The following CDH18 variants were observed in gnomAD, a reference collection of about 807,000 sequenced individuals.
CDH18 encodes cadherin-18.
A neutral mutation model predicts 67.9 loss-of-function variants in CDH18; 31 were observed. The ratio of observed to expected loss-of-function variants is 0.46; its 90% CI spans 0.34 to 0.62. The LOEUF is 0.62. CDH18 is among the 20% of genes least tolerant of loss of function. The pLI, the probability that CDH18 is intolerant of heterozygous loss-of-function variation, is 0.01. For synonymous variants in CDH18, 362 were observed against 347.2 expected, an observed-to-expected ratio of 1.04 and a Z score of -0.48; for missense variants, 890 against 975.5, an observed-to-expected ratio of 0.91 and a Z score of 1.17.
chr5:19,644,846 C>G (rs80143330), intron 5 of CDH18, among the ~76,000 whole-genome samples: 1 of 152,096 alleles, frequency 6.6e-6, no homozygotes, highest in Non-Finnish European at 1.5e-5. Flanking sequence ...GGATAATGTG[C>G]AACCCCAAGG....
chr5:19,519,636 C>T (rs1175705675), intron 10 of CDH18, among the ~76,000 whole-genome samples: 3 of 152,188 alleles, frequency 2.0e-5, no homozygotes, highest in Non-Finnish European at 2.9e-5. Flanking sequence ...TGTGTTGATG[C>T]ATGACTCACT....
chr5:20,321,836 A>G (rs1236627818), intron 1 of CDH18, among the ~76,000 whole-genome samples: 1 of 152,186 alleles, frequency 6.6e-6, no homozygotes, highest in Non-Finnish European at 1.5e-5. Flanking sequence ...AGCCCCAAAG[A>G]TAATTTACTT....
At chr5:19,953,379 G>A (rs62352249) in intron 2 of CDH18, among the ~76,000 whole-genome samples, 2,235 of 152,060 alleles carry the variant, frequency 0.015, 24 homozygotes, top group Middle Eastern at 0.031. Context: ...ACTGCTTATT[G>A]TCTCTCTATT....
chr5:20,152,511 T>C (rs1751204942), intron 2 of CDH18, among the ~76,000 whole-genome samples: 1 of 151,844 alleles, frequency 6.6e-6, no homozygotes, highest in African/African-American at 2.4e-5. Flanking sequence ...GGTATTACAT[T>C]TTCAGCTGGT....
chr5:20,460,926 A>G (rs1751221569), intron 1 of CDH18, among the ~76,000 whole-genome samples: 1 of 152,226 alleles, frequency 6.6e-6, no homozygotes, highest in Non-Finnish European at 1.5e-5. Flanking sequence ...TCGTACTGCA[A>G]CTAACAGTGA....
chr5:19,849,627 CATATATATACACGCATATATATATAA>C, intron 2 of CDH18, among the ~76,000 whole-genome samples: 1 of 9,342 alleles, frequency 1.1e-4, no homozygotes, highest in South Asian at 5.9e-3. Flanking sequence ...TATATATAAA[CATATATATACACGCATATATATATAA>C]ACATATATAT....
chr5:20,108,877 T>A (rs1747217283), intron 2 of CDH18, among the ~76,000 whole-genome samples: 1 of 152,200 alleles, frequency 6.6e-6, no homozygotes, highest in Admixed American at 6.5e-5. Flanking sequence ...AGGGAACGTA[T>A]TCAACCTCTG....
At chr5:20,572,319 T>C (rs568120224) in intron 1 of CDH18, among the ~76,000 whole-genome samples, 1 of 152,140 alleles carries the variant, frequency 6.6e-6, no homozygotes, top group South Asian at 2.1e-4. Context: ...GTTTCGGTGC[T>C]GTCCCTAGAG....
chr5:19,747,023 T>C lies in CDH18; in HGVS notation c.442A>G (p.Lys148Glu). The C allele has an allele frequency of 6.2e-7, 1 of 1,614,132 alleles. No individual in the cohort carries two copies. The highest frequency in any genetic ancestry group is 8.5e-7 in the Non-Finnish European group (1 of 1,179,994). Residue 148 changes from lysine to glutamate, a missense_variant, in exon 4 of 13, where the codon AAA (lysine) becomes GAA (glutamate). Coordinates refer to ENST00000382275, the MANE Select transcript of CDH18 (RefSeq NM_004934.5). ...PLEPESEFII[K>E]VQDINDNAPK... ...GCGTTGTCATTGATGTCTTGCACTT[T>C]GATGATGAACTCGGATTCAGGCTCA... is the stretch of plus-strand genomic sequence containing the variant.
At chr5:20,475,231 G>A (rs1304264183) in intron 1 of CDH18, among the ~76,000 whole-genome samples, 1 of 151,878 alleles carries the variant, frequency 6.6e-6, no homozygotes, top group Admixed American at 6.6e-5. Flanking sequence ...TATTGTGTAA[G>A]AATTTATGCA....
rs564606502 is a variant in CDH18, at chr5:19,668,464, T to C, written c.643+52883A>G. On this transcript the variant is annotated intron_variant, in intron 5 of 12. Coordinates refer to ENST00000382275, the MANE Select transcript of CDH18 (RefSeq NM_004934.5). ...TAGGGCACTATGATCAAAAGACCTG[T>C]TATAGGAATTTAAAATGTAAATGCT... Among the ~76,000 whole-genome samples, 3 of 152,130 alleles carry C rather than the reference T, an allele frequency of 2.0e-5. No individual in the cohort carries two copies. The East Asian group carries it at 5.8e-4, about 29-fold the overall frequency.
At chr5:20,021,949 A>G (rs1738461573) in intron 2 of CDH18, among the ~76,000 whole-genome samples, 1 of 152,230 alleles carries the variant, frequency 6.6e-6, no homozygotes, top group South Asian at 2.1e-4. Context: ...AAAACAACAC[A>G]GTTGAGTACA....
intron 2 of CDH18, among the ~76,000 whole-genome samples, chr5:20,209,672 T>C (rs1198425435): frequency 6.6e-6 from 1 of 151,976 alleles, no homozygotes; most frequent in Non-Finnish European, 1.5e-5. Context: ...TAAGTCCTAA[T>C]GATGGATAGA....
chr5:19,631,556 A>G (rs780259473), intron 5 of CDH18, among the ~76,000 whole-genome samples: 7 of 151,994 alleles, frequency 4.6e-5, no homozygotes, highest in Non-Finnish European at 1.0e-4. Flanking sequence ...TTGGTCAAGA[A>G]GCTTTACTAT....
At chr5:20,345,959 A>G (rs752987177) in intron 1 of CDH18, among the ~76,000 whole-genome samples, 1 of 152,226 alleles carries the variant, frequency 6.6e-6, no homozygotes, top group Admixed American at 6.5e-5. Flanking sequence ...TGTCACCACA[A>G]TTACCATCAG....
At chr5:20,140,139 T>C (rs1005105203) in intron 2 of CDH18, among the ~76,000 whole-genome samples, 4 of 152,130 alleles carry the variant, frequency 2.6e-5, no homozygotes, top group Admixed American at 6.6e-5. Flanking sequence ...TATGCAGCCA[T>C]AAAAAGGGAT....
intron 3 of CDH18, among the ~76,000 whole-genome samples, chr5:19,834,886 G>T (rs1027489985): frequency 6.6e-6 from 1 of 151,934 alleles, no homozygotes; most frequent in East Asian, 1.9e-4. Flanking sequence ...TGCTGGCAAG[G>T]CCCCAGAGAA....
chr5:20,090,730 G>GA (rs983128749), intron 2 of CDH18, among the ~76,000 whole-genome samples: 9 of 150,092 alleles, frequency 6.0e-5, no homozygotes, highest in East Asian at 3.9e-4. Context: ...AAAAAGAAAA[G>GA]AAAAAAAAAG....
chr5:19,494,837 T>C (rs1742022831), intron 11 of CDH18, among the ~76,000 whole-genome samples: 1 of 152,180 alleles, frequency 6.6e-6, no homozygotes, highest in South Asian at 2.1e-4. Flanking sequence ...GATCCATCCA[T>C]AGGTCAAGTT....
Sources: allele counts gnomAD v4.1 joint callset (sites outside exome capture counted in the v4.1 genomes callset), GRCh38; gene constraint gnomAD v4.1.1; transcripts MANE v1.5; gene names NCBI Gene and HGNC (gene_info 2026-07-23, HGNC 2026-07-21).